The following ZNF804B variants were observed in gnomAD, a reference collection of about 807,000 sequenced individuals.
ZNF804B encodes the protein zinc finger protein 804B, also known as zinc finger 804B.
In ZNF804B, 80 loss-of-function variants were observed where a neutral mutation model predicts 101.4. The observed-to-expected ratio is 0.79, with a 90% CI of 0.66 to 0.95. The LOEUF is 0.95. Ranked by LOEUF, ZNF804B falls within the 40% of genes least tolerant of loss-of-function variation. ZNF804B has a pLI of 0.00. For synonymous variants in ZNF804B, 622 were observed against 558.8 expected, an observed-to-expected ratio of 1.11 and a Z score of -1.59; for missense variants, 1,673 against 1,561.9, an observed-to-expected ratio of 1.07 and a Z score of -1.20.
At chr7:88,888,563 A>T (rs1792169063) in intron 1 of ZNF804B, among the ~76,000 whole-genome samples, 1 of 152,090 alleles carries the variant, frequency 6.6e-6, no homozygotes, top group East Asian at 1.9e-4. Context: ...AGCAATTAAC[A>T]CACCTGAAAC....
chr7:89,060,140 C>G (rs558360786), intron 1 of ZNF804B, among the ~76,000 whole-genome samples: 233 of 152,204 alleles, frequency 1.5e-3, no homozygotes, highest in South Asian at 0.011. Flanking sequence ...ATCCCAGGGT[C>G]TCCAGCTTGC....
At chr7:88,992,604 T>C (rs1317582119) in intron 1 of ZNF804B, among the ~76,000 whole-genome samples, 4 of 152,146 alleles carry the variant, frequency 2.6e-5, no homozygotes, top group Admixed American at 2.0e-4. Flanking sequence ...TTTAAATGGC[T>C]GGTGTGATTA....
intron 1 of ZNF804B, among the ~76,000 whole-genome samples, chr7:89,084,240 AG>A (rs1789739929): frequency 6.6e-6 from 1 of 151,876 alleles, no homozygotes; most frequent in South Asian, 2.1e-4. Context: ...TGCCAGTCTC[AG>A]GGAGTGGGAG....
intron 1 of ZNF804B, chr7:88,794,621 A>G: frequency 6.2e-7 from 1 of 1,613,730 alleles, no homozygotes; most frequent in Non-Finnish European, 8.5e-7. Flanking sequence ...AGAACTTTGT[A>G]GAGAGTGTCG....
At chr7:88,974,650 T>G (rs1201915525) in intron 1 of ZNF804B, among the ~76,000 whole-genome samples, 1 of 151,388 alleles carries the variant, frequency 6.6e-6, no homozygotes, top group East Asian at 2.0e-4. Context: ...TTTAAAATTA[T>G]TTTTAATTTT....
At chr7:89,162,729 G>T (rs1057292186) in intron 1 of ZNF804B, among the ~76,000 whole-genome samples, 1 of 150,468 alleles carries the variant, frequency 6.6e-6, no homozygotes, top group Non-Finnish European at 1.5e-5. Context: ...ATGTATACAT[G>T]TGCCATGCTG....
At chr7:88,864,215 G>A (rs1044411070) in intron 1 of ZNF804B, among the ~76,000 whole-genome samples, 1 of 152,116 alleles carries the variant, frequency 6.6e-6, no homozygotes, top group Admixed American at 6.5e-5. Flanking sequence ...GACTATTTCT[G>A]ATTCAGTTAC....
chr7:89,032,050 T>C (rs1788844680), intron 1 of ZNF804B, among the ~76,000 whole-genome samples: 1 of 152,142 alleles, frequency 6.6e-6, no homozygotes, highest in Non-Finnish European at 1.5e-5. Context: ...CTTTCCTTTT[T>C]GGAGAATAAA....
chr7:89,018,316 A>T (rs548173950), intron 1 of ZNF804B, among the ~76,000 whole-genome samples: 106 of 152,178 alleles, frequency 7.0e-4, no homozygotes, highest in Non-Finnish European at 1.3e-3. Flanking sequence ...TATCATATTT[A>T]TTGATTTGCA....
At chr7:89,225,595 C>A (rs1789077808) in intron 2 of ZNF804B, among the ~76,000 whole-genome samples, 1 of 152,008 alleles carries the variant, frequency 6.6e-6, no homozygotes, top group African/African-American at 2.4e-5. Context: ...TGTCCTATGT[C>A]AATACATTGA....
chr7:89,029,228 C>T (rs912655568), intron 1 of ZNF804B, among the ~76,000 whole-genome samples: 16 of 152,046 alleles, frequency 1.1e-4, no homozygotes, highest in East Asian at 1.9e-4. Context: ...CTCAGCCTCC[C>T]GAGTAGCTGG....
intron 1 of ZNF804B, among the ~76,000 whole-genome samples, chr7:88,786,501 G>A (rs1254419829): frequency 6.6e-6 from 1 of 152,072 alleles, no homozygotes; most frequent in Non-Finnish European, 1.5e-5. Context: ...TTCAGGCTAA[G>A]AATAATCTTT....
intron 1 of ZNF804B, among the ~76,000 whole-genome samples, chr7:89,196,344 T>A (rs764415719): frequency 1.2e-4 from 19 of 152,050 alleles, no homozygotes; most frequent in Non-Finnish European, 2.4e-4. Context: ...AACCATGAGA[T>A]CTTTGACAAA....
At chr7:89,220,025 A>ATATGTGTGCATATATATG (rs1788969215) in intron 2 of ZNF804B, among the ~76,000 whole-genome samples, 1 of 80,766 alleles carries the variant, frequency 1.2e-5, no homozygotes, top group African/African-American at 4.6e-5. Context: ...GTGTATACAT[A>ATATGTGTGCATATATATG]TATATACGCA....
At chr7:89,135,752 T>G (rs1312950162) in intron 1 of ZNF804B, among the ~76,000 whole-genome samples, 1 of 152,096 alleles carries the variant, frequency 6.6e-6, no homozygotes, top group Non-Finnish European at 1.5e-5. Flanking sequence ...TAAAAAACTA[T>G]TACATATCTC....
intron 1 of ZNF804B, among the ~76,000 whole-genome samples, chr7:88,802,416 A>G (rs1197541229): frequency 6.6e-6 from 1 of 151,350 alleles, no homozygotes; most frequent in Non-Finnish European, 1.5e-5. Context: ...ATACGTTAAA[A>G]TTGTCACACT....
At chr7:89,171,821 C>T (rs944562924) in intron 1 of ZNF804B, among the ~76,000 whole-genome samples, 3 of 152,004 alleles carry the variant, frequency 2.0e-5, no homozygotes, top group Non-Finnish European at 4.4e-5. Flanking sequence ...AAATGTGATC[C>T]GAGCCTGGAT....
chr7:88,890,226 T>G (rs1792195478), intron 1 of ZNF804B, among the ~76,000 whole-genome samples: 1 of 152,192 alleles, frequency 6.6e-6, no homozygotes, highest in Admixed American at 6.5e-5. Flanking sequence ...TTCTCTGAAC[T>G]ATTTTTAGTA....
At chr7:89,119,528 A>G (rs1332830640) in intron 1 of ZNF804B, among the ~76,000 whole-genome samples, 1 of 152,190 alleles carries the variant, frequency 6.6e-6, no homozygotes, top group African/African-American at 2.4e-5. Context: ...CCTCATAGTC[A>G]AAATAAATCA....
Sources: gnomAD v4.1 joint callset for allele counts (sites outside exome capture counted in the v4.1 genomes callset) on GRCh38, gnomAD v4.1.1 for gene constraint, MANE v1.5 for transcripts, NCBI Gene and HGNC (gene_info 2026-07-23, HGNC 2026-07-21) for gene names.